Variants in GRIA2 observed in about 807,000 individuals in gnomAD.
GRIA2 encodes glutamate receptor 2.
GRIA2 carries 14 observed loss-of-function variants against 97.3 expected under a neutral mutation model. The observed-to-expected ratio is 0.14, with a 90% CI of 0.10 to 0.23. The LOEUF is 0.23. GRIA2 is among the 10% of genes least tolerant of loss of function. The probability of loss-of-function intolerance (pLI) is 1.00; values close to 1 mark genes in which losing one functional copy is unlikely to be tolerated. For synonymous variants in GRIA2, 412 were observed against 387.8 expected (o/e 1.06, Z -0.73); for missense variants, 558 against 1,069.8 (o/e 0.52, Z 6.67).
intron 2 of GRIA2, among the ~76,000 whole-genome samples, chr4:157,225,011 A>G (rs1027713939): frequency 6.6e-6 from 1 of 152,124 alleles, no homozygotes; most frequent in Non-Finnish European, 1.5e-5. Context: ...CCTTAGTAAT[A>G]CAACTTCAAA....
Position 157,351,456 on chromosome 4 carries a change from T to C in GRIA2, c.2044-8440T>C, listed in dbSNP as rs569250343. On this transcript the variant is annotated intron_variant, in intron 12 of 15. Transcript: ENST00000264426. ...GTATAATGAGTAGGCATTCCATTAATGATATAATTTACCATTCGTAAGGTA... is the reference window on the plus strand; with the variant it reads ...GTATAATGAGTAGGCATTCCATTAACGATATAATTTACCATTCGTAAGGTA... Among the ~76,000 whole-genome samples the C allele has an allele frequency of 2.0e-4, 31 of 152,314 alleles. No homozygotes were observed. The Middle Eastern group carries it at 0.014, about 67-fold the overall frequency.
At chr4:157,326,785 A>G (rs1734821422) in intron 6 of GRIA2, among the ~76,000 whole-genome samples, 1 of 152,192 alleles carries the variant, frequency 6.6e-6, no homozygotes, top group Admixed American at 6.5e-5. Context: ...TATGATCCAG[A>G]AGTTTTATGC....
chr4:157,228,040 T>A (rs2126683932), intron 2 of GRIA2, among the ~76,000 whole-genome samples: 1 of 152,354 alleles, frequency 6.6e-6, no homozygotes, highest in South Asian at 2.1e-4. Context: ...TCATCTTTGA[T>A]AATTTTAACT....
At chr4:157,307,253 G>A (rs184146399) in intron 3 of GRIA2, among the ~76,000 whole-genome samples, 1 of 152,324 alleles carries the variant, frequency 6.6e-6, no homozygotes, top group Admixed American at 6.5e-5. Flanking sequence ...TTTAGCTAGT[G>A]AAAGCCATTC....
At chr4:157,294,317 G>A (rs2054428189) in intron 2 of GRIA2, among the ~76,000 whole-genome samples, 1 of 151,656 alleles carries the variant, frequency 6.6e-6, no homozygotes, top group African/African-American at 2.4e-5. Flanking sequence ...TGATTATTTG[G>A]ACTGAGATGT....
intron 2 of GRIA2, among the ~76,000 whole-genome samples, chr4:157,279,954 G>A (rs779570112): frequency 6.6e-5 from 10 of 151,950 alleles, no homozygotes; most frequent in African/African-American, 2.2e-4. Flanking sequence ...GTAAAACCCC[G>A]TCTCTACTAA....
In GRIA2 at chr4:157,362,899, G is replaced by C; in HGVS notation, c.2507G>C (p.Cys836Ser). The change falls in exon 15 of 16, where the codon TGT (cysteine) becomes TCT (serine). Residue 836 changes from cysteine to serine, a missense_variant. Cys to Ser is a moderately radical substitution (Grantham distance 112). Transcript: ENST00000264426. ...ATGCTGGTGGCTTTGATTGAGTTCT[G>C]TTACAAGTCAAGGGCCGAGGCGAAA... ...LAMLVALIEF[C>S]YKSRAEAKRM... 6.2e-7 allele frequency: 1 copy of C among 1,613,578 alleles called. No individual in the cohort carries two copies. The highest frequency in any genetic ancestry group is 8.5e-7 in the Non-Finnish European group (1 of 1,179,676).
In GRIA2 at chr4:157,362,921, G is replaced by A. The variant is rs148321113; in HGVS notation, c.2529G>A (p.Ala843=). 1.0e-4 allele frequency: 163 copies of A among 1,613,452 alleles called. 1 individual carries two copies. Among genetic ancestry groups the A allele is most frequent in the Admixed American group, 1.3e-4 (8 of 59,944 alleles). The change falls in exon 15 of 16, where the codon GCG becomes GCA. Residue 843 remains alanine, a synonymous_variant. Transcript: ENST00000264426. ...IEFCYKSRAE[A]KRMKVAKNAQ... ...TCTGTTACAAGTCAAGGGCCGAGGCGAAACGAATGAAGGTGGCAAAGAATG... is the reference window on the plus strand; with the variant it reads ...TCTGTTACAAGTCAAGGGCCGAGGCAAAACGAATGAAGGTGGCAAAGAATG...
intron 4 of GRIA2, among the ~76,000 whole-genome samples, chr4:157,313,335 A>AT (rs545509691): frequency 2.1e-4 from 32 of 151,948 alleles, no homozygotes; most frequent in Admixed American, 1.3e-3. Context: ...TGCAAGATAT[A>AT]TTTTTTTTCT....
intron 12 of GRIA2, chr4:157,342,326 A>T (rs2126953903): frequency 1.0e-6 from 1 of 985,126 alleles, no homozygotes; most frequent in Admixed American, 6.2e-5. Context: ...ATGCTACATT[A>T]CCTCTGATCT....
intron 2 of GRIA2, among the ~76,000 whole-genome samples, chr4:157,284,938 C>A (rs1445606941): frequency 6.6e-6 from 1 of 151,664 alleles, no homozygotes; most frequent in East Asian, 1.9e-4. Context: ...TGTTTCAGAG[C>A]ACAGGCCTGA....
rs67497887 is a variant in GRIA2 at position 157,298,611 on chromosome 4, C to CTT, written c.230-4915_230-4914dup. 8.5e-3 allele frequency among the ~76,000 whole-genome samples: 291 copies of CTT among 34,316 alleles called. 82 individuals carry two copies. Among genetic ancestry groups the CTT allele is most frequent in the African/African-American group, 0.025 (205 of 8,270 alleles). The allele number at this position is 34,316 out of a possible 152,430, so 22.5% of individuals were successfully genotyped here. On this transcript the variant is annotated intron_variant, in intron 2 of 15. Coordinates refer to ENST00000264426, the MANE Select transcript of GRIA2 (RefSeq NM_001083619.3). ...TGGAAGGTGACAGATTGAAGCTAAG[C>CTT]TTTTTTTTTTTTTTTTTTTTTTTTT...
intron 12 of GRIA2, chr4:157,342,637 A>T (rs62331556): frequency 0.081 from 13,932 of 172,726 alleles, 722 homozygotes; most frequent in South Asian, 0.12. Flanking sequence ...TTAAAAATGT[A>T]TGTTCCTCAA....
chr4:157,351,819 A>C (rs1011130275), intron 12 of GRIA2, among the ~76,000 whole-genome samples: 1 of 152,182 alleles, frequency 6.6e-6, no homozygotes, highest in Non-Finnish European at 1.5e-5. Context: ...CCACCTTGTG[A>C]AGAAGGTGCC....
chr4:157,310,107 C>A (rs922085186), intron 3 of GRIA2, among the ~76,000 whole-genome samples: 1 of 151,972 alleles, frequency 6.6e-6, no homozygotes. Context: ...TGATAGCTGT[C>A]GAATTGATCA....
At chr4:157,220,244 G>C (rs1047734695), upstream of GRIA2, 3 of 152,284 alleles carry the variant, frequency 2.0e-5, no homozygotes, top group African/African-American at 7.2e-5. Flanking sequence ...GCAGGGCCTG[G>C]TGAGAGGACG....
At chr4:157,303,520 A>T (rs369703518) in intron 2 of GRIA2, 32 bp from the exon 3 acceptor site, 4 of 1,599,990 alleles carry the variant, frequency 2.5e-6, no homozygotes, top group Non-Finnish European at 3.4e-6. Context: ...AATTTCAATG[A>T]TTTTTCCTTT....
intron 8 of GRIA2, 136 bp downstream of exon 8, chr4:157,333,489 A>C (rs1735150367): frequency 2.3e-6 from 1 of 435,986 alleles, no homozygotes; most frequent in Admixed American, 4.0e-5. Context: ...ATATATTTTG[A>C]AGTTTTTTTT....
intron 4 of GRIA2, among the ~76,000 whole-genome samples, chr4:157,316,314 T>C (rs1734317703): frequency 6.6e-6 from 1 of 152,148 alleles, no homozygotes; most frequent in South Asian, 2.1e-4. Flanking sequence ...GGCAATTTAG[T>C]CATGTTACAT....
Sources: gnomAD v4.1 joint callset for allele counts (sites outside exome capture counted in the v4.1 genomes callset) on GRCh38, gnomAD v4.1.1 for gene constraint, MANE v1.5 for transcripts, NCBI Gene and HGNC (gene_info 2026-07-23, HGNC 2026-07-21) for gene names.